The following AGBL4 variants were observed in gnomAD, a reference collection of about 807,000 sequenced individuals.
AGBL4 encodes the protein cytosolic carboxypeptidase 6.
Under a neutral mutation model 66.4 loss-of-function variants are expected in AGBL4, and 58 were observed. The ratio of observed to expected loss-of-function variants is 0.87; its 90% CI spans 0.71 to 1.09. The LOEUF is 1.09. Among genes scored for constraint, AGBL4 ranks in the 50% least tolerant of loss-of-function variants. The probability of loss-of-function intolerance (pLI) is 0.00; values close to 1 mark genes in which losing one functional copy is unlikely to be tolerated. For synonymous variants in AGBL4, 234 were observed against 222.9 expected (o/e 1.05, Z -0.44); for missense variants, 579 against 631.0 (o/e 0.92, Z 0.88).
At chr1:49,292,631 C>G (rs1469928967) in intron 3 of AGBL4, among the ~76,000 whole-genome samples, 1 of 152,118 alleles carries the variant, frequency 6.6e-6, no homozygotes, top group East Asian at 1.9e-4. Flanking sequence ...ATGTGATGAC[C>G]AGCTGCAAAG....
At chr1:49,646,240 A>G (rs1318284257) in intron 3 of AGBL4, among the ~76,000 whole-genome samples, 1 of 151,924 alleles carries the variant, frequency 6.6e-6, no homozygotes, top group Non-Finnish European at 1.5e-5. Context: ...TAAATTAAAA[A>G]GTTAAAGTGC....
intron 5 of AGBL4, among the ~76,000 whole-genome samples, chr1:48,911,737 G>A (rs1012511486): frequency 6.6e-6 from 1 of 151,972 alleles, no homozygotes. Flanking sequence ...ACTCATATAT[G>A]GTAGTTACTG....
intron 7 of AGBL4, among the ~76,000 whole-genome samples, chr1:48,658,632 C>T (rs909538972): frequency 6.6e-6 from 1 of 152,138 alleles, no homozygotes; most frequent in Non-Finnish European, 1.5e-5. Context: ...AGTGAAAGGC[C>T]CCGTCACAAA....
At chr1:49,989,188 A>G (rs1659736905) in intron 1 of AGBL4, among the ~76,000 whole-genome samples, 1 of 152,206 alleles carries the variant, frequency 6.6e-6, no homozygotes, top group Non-Finnish European at 1.5e-5. Flanking sequence ...ATAACAGATG[A>G]TTACACATCA....
chr1:49,362,610 C>T (rs1225263250), intron 3 of AGBL4, among the ~76,000 whole-genome samples: 2 of 152,108 alleles, frequency 1.3e-5, no homozygotes, highest in East Asian at 3.9e-4. Context: ...CCTCTCAGAG[C>T]TCGTTTAGGA....
intron 3 of AGBL4, among the ~76,000 whole-genome samples, chr1:49,434,648 T>C (rs946867281): frequency 1.3e-5 from 2 of 151,716 alleles, no homozygotes; most frequent in African/African-American, 4.8e-5. Context: ...CAAATTGCTA[T>C]CTGTTCTTGT....
chr1:49,641,169 A>G (rs1645774482), intron 3 of AGBL4, among the ~76,000 whole-genome samples: 1 of 152,122 alleles, frequency 6.6e-6, no homozygotes, highest in East Asian at 1.9e-4. Flanking sequence ...CTCTTAGTAA[A>G]AGAAAACAAC....
intron 11 of AGBL4, among the ~76,000 whole-genome samples, chr1:48,569,827 A>G (rs1006337187): frequency 2.0e-5 from 3 of 152,172 alleles, no homozygotes; most frequent in Non-Finnish European, 4.4e-5. Context: ...AAATGGGACC[A>G]TAATGCCACT....
At chr1:49,367,101 C>G (rs889551409) in intron 3 of AGBL4, among the ~76,000 whole-genome samples, 4 of 152,134 alleles carry the variant, frequency 2.6e-5, no homozygotes, top group Non-Finnish European at 4.4e-5. Flanking sequence ...TGGATAATGA[C>G]TAATGAAACA....
At chr1:49,409,149 G>T (rs994279626) in intron 3 of AGBL4, among the ~76,000 whole-genome samples, 5 of 146,060 alleles carry the variant, frequency 3.4e-5, no homozygotes, top group Admixed American at 1.4e-4. Flanking sequence ...ACTCTCTCTG[G>T]CTCTCTCTCT....
At chr1:49,416,865 C>G (rs1284300171) in intron 3 of AGBL4, among the ~76,000 whole-genome samples, 1 of 151,736 alleles carries the variant, frequency 6.6e-6, no homozygotes, top group Non-Finnish European at 1.5e-5. Flanking sequence ...CACCTACATG[C>G]AACAATGGCA....
chr1:49,958,039 T>A (rs1295427898), intron 1 of AGBL4, among the ~76,000 whole-genome samples: 1 of 152,088 alleles, frequency 6.6e-6, no homozygotes, highest in Admixed American at 6.6e-5. Flanking sequence ...TCAGGAGCTC[T>A]TGTAGGGCAG....
chr1:48,790,797 C>T (rs1365507562), intron 6 of AGBL4, among the ~76,000 whole-genome samples: 4 of 152,100 alleles, frequency 2.6e-5, no homozygotes, highest in Non-Finnish European at 5.9e-5. Context: ...GTTATAAAAA[C>T]GAGTTTGAGC....
intron 3 of AGBL4, among the ~76,000 whole-genome samples, chr1:49,350,959 T>G (rs540513782): frequency 6.3e-4 from 96 of 152,322 alleles, no homozygotes; most frequent in Middle Eastern, 6.8e-3. Context: ...AGGATGTCTG[T>G]TCAAAGGTAG....
chr1:49,548,143 C>A (rs1024043647), intron 3 of AGBL4, among the ~76,000 whole-genome samples: 2 of 152,146 alleles, frequency 1.3e-5, no homozygotes, highest in Non-Finnish European at 2.9e-5. Flanking sequence ...GATTTGTGTA[C>A]ACTAGTCTTG....
At chr1:48,806,292 G>C (rs543860996) in intron 6 of AGBL4, among the ~76,000 whole-genome samples, 1 of 152,276 alleles carries the variant, frequency 6.6e-6, no homozygotes, top group African/African-American at 2.4e-5. Flanking sequence ...GGGGCAAAAA[G>C]ATGTGACTTC....
At chr1:49,097,032 C>T (rs1396335137) in intron 4 of AGBL4, among the ~76,000 whole-genome samples, 1 of 152,136 alleles carries the variant, frequency 6.6e-6, no homozygotes, top group Non-Finnish European at 1.5e-5. Flanking sequence ...TGACTTTAGC[C>T]TCATAAGTCT....
chr1:49,065,374 A>G (rs1435042931), intron 4 of AGBL4, among the ~76,000 whole-genome samples: 4 of 152,244 alleles, frequency 2.6e-5, no homozygotes, highest in Non-Finnish European at 4.4e-5. Context: ...GATAAAATGT[A>G]GTTTTATTCA....
intron 4 of AGBL4, among the ~76,000 whole-genome samples, chr1:49,214,647 A>AGGG (rs1256816483): frequency 6.6e-6 from 1 of 152,100 alleles, no homozygotes; most frequent in Non-Finnish European, 1.5e-5. Context: ...GACCATGCAA[A>AGGG]TTGCTTAGGT....
Sources: allele counts gnomAD v4.1 joint callset (sites outside exome capture counted in the v4.1 genomes callset), GRCh38; gene constraint gnomAD v4.1.1; transcripts MANE v1.5; gene names NCBI Gene and HGNC (gene_info 2026-07-23, HGNC 2026-07-21).